ABCB1: variants seen among roughly 807,000 people sequenced by gnomAD.
ABCB1 encodes ATP-dependent translocase ABCB1.
ABCB1 carries 69 observed loss-of-function variants against 142.0 expected under a neutral mutation model. The ratio of observed to expected loss-of-function variants is 0.49; its 90% confidence interval spans 0.40 to 0.59. ABCB1 has a LOEUF of 0.59. ABCB1 is among the 20% of genes least tolerant of loss of function. The pLI is 0.00. For missense variants in ABCB1, 1,326 were observed against 1,554.7 expected (o/e 0.85, Z 2.47); for synonymous variants, 532 against 539.2 (o/e 0.99, Z 0.18).
At chr7:87,542,050 A>G (rs1450395579) in intron 17 of ABCB1, among the ~76,000 whole-genome samples, 1 of 152,150 alleles carries the variant, frequency 6.6e-6, no homozygotes, top group Non-Finnish European at 1.5e-5. Context: ...GATGTTTTGG[A>G]CTCAAGGAAC....
Position 87,544,206 on chromosome 7 carries a change from CA to C in ABCB1, c.2133del (p.Phe711LeufsTer10). On this transcript the variant is annotated frameshift_variant, in exon 17 of 28. Coordinates refer to ENST00000622132, the MANE Select transcript of ABCB1 (RefSeq NM_001348946.2). LOFTEE classifies it high-confidence loss of function. ...ATAATGGCACAAAATACACCAACAA[CA>C]AAATAAGGCCATTCAGTTAAATTTA... is the stretch of plus-strand genomic sequence containing the variant. ...MKLNLTEWPY[F>X]VVGVFCAIIN... The C allele has an allele frequency of 1.2e-6, 2 of 1,613,844 alleles. No individual in the cohort carries two copies. The highest frequency in any genetic ancestry group is 1.7e-6 in the Non-Finnish European group (2 of 1,179,884).
In ABCB1 at chr7:87,590,289, A is replaced by G. The variant is rs891190342; in HGVS notation, c.118-4609T>C. On this transcript the variant is annotated intron_variant, in intron 3 of 27. Coordinates refer to ENST00000622132, the MANE Select transcript of ABCB1 (RefSeq NM_001348946.2). ...ACATTCATTCAATATTTAAGTTGCTATGAAAGTTCCAGGCACCATTCTAGG... is the reference window on the plus strand; with the variant it reads ...ACATTCATTCAATATTTAAGTTGCTGTGAAAGTTCCAGGCACCATTCTAGG... Among the ~76,000 whole-genome samples the G allele has an allele frequency of 4.1e-4, 62 of 152,346 alleles. 1 individual carries two copies. The highest frequency in any genetic ancestry group is 1.4e-3 in the African/African-American group (57 of 41,576).
chr7:87,551,437 T>C (rs1263891824), intron 9 of ABCB1, among the ~76,000 whole-genome samples: 7 of 152,230 alleles, frequency 4.6e-5, no homozygotes, highest in Non-Finnish European at 1.0e-4. Flanking sequence ...AAACATCACA[T>C]TGTATTCCGT....
At chr7:87,712,506 A>G (rs897297120) in intron 1 of ABCB1, among the ~76,000 whole-genome samples, 2 of 152,094 alleles carry the variant, frequency 1.3e-5, no homozygotes, top group Non-Finnish European at 2.9e-5. Context: ...AGAATATTGA[A>G]TCAAAGTTAT....
chr7:87,697,970 T>A (rs1828644271), intron 1 of ABCB1, among the ~76,000 whole-genome samples: 1 of 152,142 alleles, frequency 6.6e-6, no homozygotes. Flanking sequence ...ACAAACTATA[T>A]TGAGGCATTA....
intron 25 of ABCB1, among the ~76,000 whole-genome samples, chr7:87,513,035 G>T (rs931851316): frequency 1.3e-5 from 2 of 152,200 alleles, no homozygotes; most frequent in African/African-American, 4.8e-5. Flanking sequence ...TAAAATCTGG[G>T]AGGTAGACAC....
At chr7:87,522,074 G>T in intron 21 of ABCB1, 1 of 1,159,148 alleles carries the variant, frequency 8.6e-7, no homozygotes, top group Non-Finnish European at 1.3e-6. Flanking sequence ...TTTGGTGGTG[G>T]TCGTGGAGGT....
At chr7:87,567,646 T>A (rs890764277) in intron 5 of ABCB1, among the ~76,000 whole-genome samples, 6 of 152,218 alleles carry the variant, frequency 3.9e-5, no homozygotes, top group African/African-American at 1.2e-4. Context: ...CAACTGGCCA[T>A]CGTGAGTTAT....
intron 1 of ABCB1, among the ~76,000 whole-genome samples, chr7:87,617,468 C>T (rs1394603616): frequency 6.6e-6 from 1 of 152,204 alleles, no homozygotes; most frequent in Non-Finnish European, 1.5e-5. Flanking sequence ...AGGCAAAACA[C>T]AGCACATTGT....
Position 87,626,764 on chromosome 7 carries a change from ATATATAT to A in ABCB1, c.-330-25693_-330-25687del, listed in dbSNP as rs1382029642. Among the ~76,000 whole-genome samples the A allele has an allele frequency of 2.3e-4, 31 of 132,164 alleles. 1 individual carries two copies. The highest frequency in any genetic ancestry group is 5.7e-4 in the African/African-American group (20 of 35,126). The allele number at this position is 132,164 out of a possible 152,430, so 86.7% of individuals were successfully genotyped here. On this transcript the variant is annotated intron_variant, in intron 1 of 28. Transcript: ENST00000265724. ...GTCATATATATGTCATATATATGTC[ATATATAT>A]GTCAGAGAGAGAGAGAGAGAGAGAG...
At chr7:87,630,906 C>T (rs1020657284) in intron 1 of ABCB1, among the ~76,000 whole-genome samples, 2 of 152,016 alleles carry the variant, frequency 1.3e-5, no homozygotes, top group Non-Finnish European at 2.9e-5. Flanking sequence ...TTTAAATTAT[C>T]TTTAAGAAAT....
intron 1 of ABCB1, among the ~76,000 whole-genome samples, chr7:87,626,091 TATATATATTGTCATATATATGTGTC>T (rs1554444007): frequency 1.4e-3 from 132 of 95,652 alleles, no homozygotes; most frequent in Middle Eastern, 5.1e-3. Flanking sequence ...TATATATATA[TATATATATTGTCATATATATGTGTC>T]ATATATATTG....
intron 26 of ABCB1, among the ~76,000 whole-genome samples, chr7:87,508,053 G>A (rs1419114853): frequency 6.6e-6 from 1 of 152,094 alleles, no homozygotes. Flanking sequence ...CTAGGTGACA[G>A]GATCATTTGT....
At position 87,579,363 on chromosome 7, in the gene ABCB1, T is replaced by A. The variant is rs56296388; in HGVS notation, c.286+6149A>T. ...GTGTGATACTAGCTGTGGGTCTGTT[T>A]ATGTGGCTTTTATTTTGTTTATGAA... On this transcript the variant is annotated intron_variant, in intron 4 of 27. Transcript: ENST00000622132. Among the ~76,000 whole-genome samples the A allele has an allele frequency of 4.6e-3, 707 of 152,312 alleles. 5 individuals carry two copies. Among genetic ancestry groups the A allele is most frequent in the African/African-American group, 0.016 (669 of 41,564 alleles).
chr7:87,633,469 C>G (rs941724795), intron 1 of ABCB1, among the ~76,000 whole-genome samples: 4 of 152,142 alleles, frequency 2.6e-5, no homozygotes, highest in Non-Finnish European at 5.9e-5. Flanking sequence ...GAGCTTTTGC[C>G]TAAGTGGCCC....
In ABCB1 at chr7:87,503,921, C is replaced by T. The variant is rs1423290895; in HGVS notation, c.*322G>A. ...TATGCAAACATTTCAATACTTTTTG[C>T]TACTTCTATAATCTTTTAGCAAGGC... On this transcript the variant is annotated 3_prime_UTR_variant, in exon 28 of 28. Transcript: ENST00000622132. 2 of 363,406 alleles carry T rather than the reference C, an allele frequency of 5.5e-6. No homozygotes were observed. The highest frequency in any genetic ancestry group is 1.2e-4 in the East Asian group (2 of 16,218). The allele number at this position is 363,406 out of a possible 1,614,324, so 22.5% of individuals were successfully genotyped here.
At chr7:87,650,492 T>C (rs575115938) in intron 1 of ABCB1, among the ~76,000 whole-genome samples, 9 of 152,248 alleles carry the variant, frequency 5.9e-5, no homozygotes, top group African/African-American at 1.7e-4. Context: ...GTACTAATTC[T>C]GTACATGAAA....
intron 15 of ABCB1, among the ~76,000 whole-genome samples, chr7:87,545,345 C>T (rs1816729478): frequency 6.6e-6 from 1 of 152,164 alleles, no homozygotes; most frequent in Admixed American, 6.5e-5. Context: ...ACAAGCCATG[C>T]TATGAGCCAT....
intron 2 of ABCB1, 56 bp downstream of exon 2, chr7:87,600,061 T>C (rs1386010918): frequency 6.7e-7 from 1 of 1,484,644 alleles, no homozygotes; most frequent in African/African-American, 1.4e-5. Context: ...AGGCTAGAAA[T>C]AAATTACTCA....
Sources: allele counts gnomAD v4.1 joint callset (sites outside exome capture counted in the v4.1 genomes callset), GRCh38; gene constraint gnomAD v4.1.1; transcripts MANE v1.5; gene names NCBI Gene and HGNC (gene_info 2026-07-23, HGNC 2026-07-21).